Variants in ACSL5 observed in about 807,000 individuals in gnomAD.
ACSL5 encodes long-chain-fatty-acid--CoA ligase 5.
ACSL5 carries 50 observed loss-of-function variants against 84.9 expected under a neutral mutation model. The ratio of observed to expected loss-of-function variants is 0.59; its 90% CI spans 0.47 to 0.75. The LOEUF (loss-of-function observed/expected upper bound fraction) is 0.75. Among genes scored for constraint, ACSL5 ranks in the 30% least tolerant of loss-of-function variants. The pLI is 0.00. For synonymous variants in ACSL5, 280 were observed against 300.7 expected (o/e 0.93, Z 0.71); for missense variants, 775 against 830.4 (o/e 0.93, Z 0.82).
chr10:112,399,688 C>T (rs1844800947), intron 3 of ACSL5, among the ~76,000 whole-genome samples: 1 of 152,224 alleles, frequency 6.6e-6, no homozygotes, highest in Non-Finnish European at 1.5e-5. Context: ...GGGTGACATT[C>T]TGGCCGTGTA....
At chr10:112,409,253 G>A (rs1844120541) in intron 6 of ACSL5, 1 of 432,706 alleles carries the variant, frequency 2.3e-6, no homozygotes, top group Non-Finnish European at 4.1e-6. Context: ...TTCTTAAGCA[G>A]AAGGAATTCT....
chr10:112,412,258 C>T (rs865912923), intron 11 of ACSL5: 1 of 374,384 alleles, frequency 2.7e-6, no homozygotes, highest in Admixed American at 4.1e-5. Flanking sequence ...AGCTTACTAT[C>T]TATCTGCCCT....
In ACSL5 at chr10:112,411,889, C is replaced by G. The variant is rs1392849436; in HGVS notation, c.871-13C>G. The G allele has an allele frequency of 6.2e-7, 1 of 1,610,472 alleles. No individual in the cohort carries two copies. ...TCTCATGTTGCCTCCTCTTACTTCC[C>G]TGGCCTACATAGCATGCTTATGAGC... On this transcript the variant is annotated splice_polypyrimidine_tract_variant and intron_variant, in intron 10 of 20. Transcript: ENST00000354655.
intron 17 of ACSL5, among the ~76,000 whole-genome samples, chr10:112,423,181 C>CT (rs1425166320): frequency 1.8e-5 from 1 of 54,910 alleles, no homozygotes; most frequent in Non-Finnish European, 3.1e-5. Context: ...GAGCGAGTCT[C>CT]TGTCTCAAAA....
intron 1 of ACSL5, among the ~76,000 whole-genome samples, chr10:112,389,912 G>GT (rs1849523331): frequency 6.6e-6 from 1 of 152,080 alleles, no homozygotes; most frequent in Non-Finnish European, 1.5e-5. Flanking sequence ...GGTTAAAAAT[G>GT]TTTGAGTGTA....
chr10:112,406,000 G>A (rs1000492252), intron 5 of ACSL5, among the ~76,000 whole-genome samples: 1 of 152,002 alleles, frequency 6.6e-6, no homozygotes, highest in Non-Finnish European at 1.5e-5. Context: ...TGGCAGAGGT[G>A]GAAGAGGTAG....
chr10:112,410,297 G>A (rs745662178), intron 7 of ACSL5, 166 bp from the exon 8 acceptor site: 2 of 1,547,042 alleles, frequency 1.3e-6, no homozygotes, highest in Admixed American at 2.0e-5. Flanking sequence ...TCTTCCCTGG[G>A]GCTTCCATTG....
intron 1 of ACSL5, among the ~76,000 whole-genome samples, chr10:112,379,489 G>A (rs182218850): frequency 1.2e-3 from 190 of 152,050 alleles, no homozygotes; most frequent in Admixed American, 4.7e-3. Flanking sequence ...GTTCAAGACC[G>A]TGGTCATCTC....
At chr10:112,389,316 C>T (rs1263885940) in intron 1 of ACSL5, among the ~76,000 whole-genome samples, 1 of 152,150 alleles carries the variant, frequency 6.6e-6, no homozygotes, top group Admixed American at 6.5e-5. Flanking sequence ...CTCCAGTCAT[C>T]CATCCACAGG....
chr10:112,417,879 A>G lies in ACSL5; in HGVS notation c.1252A>G (p.Thr418Ala). 6.2e-7 allele frequency: 1 copy of G among 1,614,056 alleles called. No homozygotes were observed. Among genetic ancestry groups the G allele is most frequent in the South Asian group, 1.1e-5 (1 of 91,080 alleles). The change falls in exon 14 of 21, where the codon ACT (threonine) becomes GCT (alanine). Residue 418 changes from threonine to alanine, a missense_variant. Transcript: ENST00000354655. ...GGGCGGAAGGGTTCGTGTAATTGTC[A>G]CTGGAGCTGCCCCCATGTCCACTTC... Reference protein sequence around the residue: ...SLGGRVRVIVTGAAPMSTSVM... With the variant: ...SLGGRVRVIVAGAAPMSTSVM...
At chr10:112,401,471 G>A (rs972449202) in intron 3 of ACSL5, among the ~76,000 whole-genome samples, 39 of 152,232 alleles carry the variant, frequency 2.6e-4, no homozygotes, top group African/African-American at 8.9e-4. Context: ...AGTTTAGAGG[G>A]ACAACTTTGC....
At chr10:112,423,048 C>T (rs1435949128) in intron 17 of ACSL5, among the ~76,000 whole-genome samples, 19 of 143,330 alleles carry the variant, frequency 1.3e-4, no homozygotes, top group Non-Finnish European at 2.1e-4. Flanking sequence ...ATTAGCTGGG[C>T]GTGGTGGTGG....
intron 3 of ACSL5, among the ~76,000 whole-genome samples, chr10:112,400,634 C>T (rs1341136616): frequency 1.3e-5 from 2 of 152,038 alleles, no homozygotes; most frequent in African/African-American, 4.8e-5. Context: ...GTCCTAAACT[C>T]CTGACCTGGT....
rs1844769492 is a variant in ACSL5, at chr10:112,427,300, A to C, written c.1994A>C (p.Glu665Ala). ...CCAACATTGAAAGCAAAGCGAGGAG[A>C]GCTTTCCAAATACTTTCGGACCCAA... ...LTPTLKAKRG[E>A]LSKYFRTQID... The change falls in exon 21 of 21, where the codon GAG becomes GCG. Residue 665 changes from glutamate (E) to alanine (A), a missense_variant. Coordinates refer to ENST00000354655, the MANE Select transcript of ACSL5 (RefSeq NM_203379.2). 3 of 1,613,788 alleles carry C rather than the reference A, an allele frequency of 1.9e-6. No homozygotes were observed. Among genetic ancestry groups the C allele is most frequent in the East Asian group, 4.5e-5 (2 of 44,860 alleles).
chr10:112,425,623 T>A, intron 18 of ACSL5, 142 bp downstream of exon 18: 1 of 766,918 alleles, frequency 1.3e-6, no homozygotes, highest in South Asian at 3.5e-5. Flanking sequence ...TGAAGTTACA[T>A]TCCAAACCTC....
intron 3 of ACSL5, 90 bp downstream of exon 3, chr10:112,399,099 C>T (rs1843816022): frequency 7.5e-6 from 8 of 1,062,510 alleles, no homozygotes; most frequent in Non-Finnish European, 1.2e-5. Flanking sequence ...AAAACCCCAG[C>T]TATTTAGATG....
chr10:112,389,771 A>T lies in ACSL5; in HGVS notation c.-29-5147A>T, dbSNP rs554828719. Among the ~76,000 whole-genome samples, 6 of 152,322 alleles carry T rather than the reference A, an allele frequency of 3.9e-5. No individual in the cohort carries two copies. The East Asian group carries it at 1.2e-3, about 29-fold the overall frequency. On this transcript the variant is annotated intron_variant, in intron 1 of 20. Transcript: ENST00000354655. ...CAGATTCTAATGGTTAGAATGGTAAACAGAGCTTCCTACTCCTGTCGTGGT... is the reference window on the plus strand; with the variant it reads ...CAGATTCTAATGGTTAGAATGGTAATCAGAGCTTCCTACTCCTGTCGTGGT...
At chr10:112,420,018 C>A (rs1241615295) in intron 14 of ACSL5, 3 of 152,166 alleles carry the variant, frequency 2.0e-5, no homozygotes, top group Non-Finnish European at 4.4e-5. Flanking sequence ...ACAAAACAGG[C>A]ATAGACTTTT....
rs144322644 is a variant in ACSL5 at position 112,378,227 on chromosome 10, G to GT, written c.-30+3989dup. ...TAATCAAGACAATCTTCTTCTTCTTGTTTTTTTTTTTTTTTTTTTTTTTTT... is the reference window on the plus strand; with the variant it reads ...TAATCAAGACAATCTTCTTCTTCTTGTTTTTTTTTTTTTTTTTTTTTTTTTT... On this transcript the variant is annotated intron_variant, in intron 1 of 20. Coordinates refer to ENST00000354655, the MANE Select transcript of ACSL5 (RefSeq NM_203379.2). 6.4e-3 allele frequency among the ~76,000 whole-genome samples: 363 copies of GT among 56,810 alleles called. 36 individuals are homozygous for GT. The highest frequency in any genetic ancestry group is 7.4e-3 in the Non-Finnish European group (252 of 34,108). 37.3% of individuals were successfully genotyped at this position (56,810 alleles called of 152,430 possible).
Sources: allele counts gnomAD v4.1 joint callset (sites outside exome capture counted in the v4.1 genomes callset), GRCh38; gene constraint gnomAD v4.1.1; transcripts MANE v1.5; gene names NCBI Gene and HGNC (gene_info 2026-07-23, HGNC 2026-07-21).